Variants in ARNT2 observed in about 807,000 individuals in gnomAD.
ARNT2 encodes the protein aryl hydrocarbon receptor nuclear translocator 2.
In ARNT2, 36 loss-of-function variants were observed where a neutral mutation model predicts 91.7. The observed-to-expected ratio is 0.39, with a 90% CI of 0.30 to 0.52. The LOEUF is 0.52. Ranked by LOEUF, ARNT2 falls within the 20% of genes least tolerant of loss-of-function variation. The pLI is 0.72. For synonymous variants in ARNT2, 365 were observed against 347.1 expected, an observed-to-expected ratio of 1.05 and a Z score of -0.57; for missense variants, 775 against 939.3, an observed-to-expected ratio of 0.83 and a Z score of 2.29.
At chr15:80,490,827 A>T (rs1300289721) in intron 5 of ARNT2, among the ~76,000 whole-genome samples, 1 of 152,268 alleles carries the variant, frequency 6.6e-6, no homozygotes, top group Non-Finnish European at 1.5e-5. Flanking sequence ...TGTGGTCACC[A>T]TGCATCATGG....
intron 8 of ARNT2, among the ~76,000 whole-genome samples, chr15:80,546,736 A>C (rs1423542269): frequency 6.6e-6 from 1 of 152,144 alleles, no homozygotes; most frequent in African/African-American, 2.4e-5. Flanking sequence ...AGGCTGAGGC[A>C]GGTGGATCAT....
At chr15:80,565,159 A>G (rs1898455200) in intron 12 of ARNT2, among the ~76,000 whole-genome samples, 1 of 152,166 alleles carries the variant, frequency 6.6e-6, no homozygotes, top group South Asian at 2.1e-4. Context: ...TCCTGGACTC[A>G]GGCAATCTGC....
intron 8 of ARNT2, among the ~76,000 whole-genome samples, chr15:80,540,548 C>G (rs1248929597): frequency 2.6e-5 from 4 of 152,022 alleles, no homozygotes; most frequent in African/African-American, 9.7e-5. Flanking sequence ...AGGTTTATTG[C>G]CTGGGTATAT....
intron 11 of ARNT2, among the ~76,000 whole-genome samples, chr15:80,561,580 C>G (rs1898352801): frequency 6.6e-6 from 1 of 152,210 alleles, no homozygotes; most frequent in Admixed American, 6.5e-5. Flanking sequence ...TACCAGCAGT[C>G]AACCACAGTC....
intron 8 of ARNT2, among the ~76,000 whole-genome samples, chr15:80,546,062 T>C (rs1198746034): frequency 1.3e-5 from 2 of 152,238 alleles, no homozygotes; most frequent in Non-Finnish European, 2.9e-5. Flanking sequence ...TAGTGCTGCT[T>C]CTAATAGAGA....
intron 1 of ARNT2, among the ~76,000 whole-genome samples, chr15:80,423,042 G>A (rs1463526842): frequency 6.6e-6 from 1 of 152,174 alleles, no homozygotes; most frequent in Non-Finnish European, 1.5e-5. Context: ...TAAATCAAAT[G>A]TATGTTGGTT....
At chr15:80,478,196 G>T (rs78903953) in intron 5 of ARNT2, among the ~76,000 whole-genome samples, 1 of 152,332 alleles carries the variant, frequency 6.6e-6, no homozygotes, top group South Asian at 2.1e-4. Context: ...ACCTTCTCTG[G>T]AAAGTGCTGT....
chr15:80,431,833 G>A (rs1301890792), intron 1 of ARNT2, among the ~76,000 whole-genome samples: 4 of 152,212 alleles, frequency 2.6e-5, no homozygotes, highest in African/African-American at 9.7e-5. Context: ...AGACCCCCTG[G>A]TGGCCGAAGC....
At chr15:80,580,826 T>G (rs567582177) in intron 16 of ARNT2, among the ~76,000 whole-genome samples, 12 of 152,318 alleles carry the variant, frequency 7.9e-5, no homozygotes, top group African/African-American at 2.6e-4. Flanking sequence ...TCATCAAGAA[T>G]GAGCCCCTCA....
intron 8 of ARNT2, among the ~76,000 whole-genome samples, chr15:80,537,429 T>C (rs1334030133): frequency 6.6e-6 from 1 of 152,186 alleles, no homozygotes; most frequent in African/African-American, 2.4e-5. Flanking sequence ...CTACTTAAAA[T>C]TTTAACCTAA....
At chr15:80,529,030 G>GC (rs1897692665) in intron 8 of ARNT2, among the ~76,000 whole-genome samples, 1 of 152,074 alleles carries the variant, frequency 6.6e-6, no homozygotes, top group Non-Finnish European at 1.5e-5. Flanking sequence ...TCTACACCAT[G>GC]CCCCCTCCAT....
chr15:80,545,205 A>T (rs1478475983), intron 8 of ARNT2, among the ~76,000 whole-genome samples: 1 of 152,198 alleles, frequency 6.6e-6, no homozygotes, highest in Non-Finnish European at 1.5e-5. Context: ...TCCTACTGTA[A>T]GTTATTTCTG....
intron 17 of ARNT2, among the ~76,000 whole-genome samples, chr15:80,582,004 C>T (rs1287702214): frequency 6.6e-6 from 1 of 152,156 alleles, no homozygotes; most frequent in Non-Finnish European, 1.5e-5. Flanking sequence ...GACCCGTGGT[C>T]CTGGTAAGAA....
chr15:80,410,775 TC>T (rs1349871543), intron 1 of ARNT2, among the ~76,000 whole-genome samples: 2 of 148,606 alleles, frequency 1.3e-5, no homozygotes, highest in Non-Finnish European at 3.0e-5. Context: ...TATCTATCTA[TC>T]TATCTATCTA....
At chr15:80,416,163 T>G (rs777880600) in intron 1 of ARNT2, among the ~76,000 whole-genome samples, 45 of 152,254 alleles carry the variant, frequency 3.0e-4, no homozygotes, top group Non-Finnish European at 5.7e-4. Context: ...TTTGTGTTTT[T>G]GGTAATGTTT....
At chr15:80,454,088 G>A (rs564720406) in intron 2 of ARNT2, among the ~76,000 whole-genome samples, 3 of 152,204 alleles carry the variant, frequency 2.0e-5, no homozygotes, top group Non-Finnish European at 2.9e-5. Context: ...GTGTCTTAGC[G>A]AGCTGCCTGC....
In ARNT2 at chr15:80,522,795, C is replaced by CGT. The variant is rs1566992724; in HGVS notation, c.877+8390_877+8391insGT. Among the ~76,000 whole-genome samples, 848 of 127,190 alleles carry CGT rather than the reference C, an allele frequency of 6.7e-3. 9 individuals are homozygous for CGT. Among genetic ancestry groups the CGT allele is most frequent in the African/African-American group, 0.026 (766 of 30,026 alleles). 83.4% of individuals were successfully genotyped at this position (127,190 alleles called of 152,430 possible). ...TATATATATATCTGTTTGATATTTA[C>CGT]ATATGTGTGTGTGTGTGTGTGTGTG... On this transcript the variant is annotated intron_variant, in intron 8 of 18. Transcript: ENST00000303329.
Position 80,578,692 on chromosome 15 carries a change from C to T in ARNT2, c.1614-1719C>T, listed in dbSNP as rs376747988. 5.9e-5 allele frequency among the ~76,000 whole-genome samples: 9 copies of T among 151,994 alleles called. No homozygotes were observed. In the South Asian group the frequency reaches 1.2e-3, roughly 21 times the overall value. ...GGAAAAGCAGGTTTGGGGCAGCTGG[C>T]AGTGTGGGGAAGGAATCCAAGGAAC... On this transcript the variant is annotated intron_variant, in intron 15 of 18. Coordinates refer to ENST00000303329, the MANE Select transcript of ARNT2 (RefSeq NM_014862.4).
intron 2 of ARNT2, 31 bp downstream of exon 2, chr15:80,451,025 C>T: frequency 3.8e-6 from 6 of 1,592,690 alleles, no homozygotes; most frequent in Non-Finnish European, 5.2e-6. Context: ...CAGGAATTGG[C>T]TTAATAAATG....
Sources: gnomAD v4.1 joint callset for allele counts (sites outside exome capture counted in the v4.1 genomes callset) on GRCh38, gnomAD v4.1.1 for gene constraint, MANE v1.5 for transcripts, NCBI Gene and HGNC (gene_info 2026-07-23, HGNC 2026-07-21) for gene names.